The following DNAJC12 variants were observed in gnomAD, a reference collection of about 807,000 sequenced individuals.
DNAJC12 encodes the protein dnaJ homolog subfamily C member 12.
A neutral mutation model predicts 28.5 loss-of-function variants in DNAJC12; 25 were observed. That is an observed-to-expected ratio of 0.88 (90% confidence interval 0.64 to 1.22). The LOEUF (loss-of-function observed/expected upper bound fraction) is 1.22. Among genes scored for constraint, DNAJC12 ranks in the 50% most tolerant of loss-of-function variants. The pLI, the probability that DNAJC12 is intolerant of heterozygous loss-of-function variation, is 0.00. For missense variants in DNAJC12, 222 were observed against 231.7 expected (o/e 0.96, Z 0.27); for synonymous variants, 77 against 80.6 (o/e 0.95, Z 0.24).
chr10:67,822,823 T>C (rs1034152958), intron 2 of DNAJC12, among the ~76,000 whole-genome samples: 2 of 149,274 alleles, frequency 1.3e-5, no homozygotes, highest in African/African-American at 2.5e-5. Flanking sequence ...CCCTGCCTAC[T>C]AAAAAAATAC....
At chr10:67,809,502 A>C (rs1454086659) in intron 3 of DNAJC12, among the ~76,000 whole-genome samples, 1 of 152,194 alleles carries the variant, frequency 6.6e-6, no homozygotes, top group African/African-American at 2.4e-5. Context: ...TTTACCAATT[A>C]AACTAGCAGG....
chr10:67,832,889 C>T (rs756128126), intron 1 of DNAJC12, among the ~76,000 whole-genome samples: 1 of 152,174 alleles, frequency 6.6e-6, no homozygotes, highest in Non-Finnish European at 1.5e-5. Flanking sequence ...TAAAGCACAT[C>T]CATTTCATGC....
chr10:67,829,073 G>A (rs549767285), intron 1 of DNAJC12, among the ~76,000 whole-genome samples: 6 of 152,224 alleles, frequency 3.9e-5, no homozygotes, highest in African/African-American at 1.4e-4. Flanking sequence ...CAGTAAAACA[G>A]TGAGCCTTAC....
chr10:67,825,144 C>T (rs979915896), intron 1 of DNAJC12, among the ~76,000 whole-genome samples: 1 of 152,122 alleles, frequency 6.6e-6, no homozygotes. Flanking sequence ...ATATAAGTAG[C>T]GCACTTAACA....
At chr10:67,817,637 G>A (rs551752698) in intron 2 of DNAJC12, among the ~76,000 whole-genome samples, 15 of 152,116 alleles carry the variant, frequency 9.9e-5, no homozygotes, top group Non-Finnish European at 1.9e-4. Flanking sequence ...AGCACTTTGG[G>A]AGGCCGAGGC....
At chr10:67,831,545 C>T (rs1228820432) in intron 1 of DNAJC12, among the ~76,000 whole-genome samples, 1 of 152,136 alleles carries the variant, frequency 6.6e-6, no homozygotes, top group Non-Finnish European at 1.5e-5. Flanking sequence ...CCTGTCTCTC[C>T]CACAGTGCAT....
Position 67,838,058 on chromosome 10 carries a change from G to T in DNAJC12, c.-47C>A. 1 of 1,303,448 alleles carries T rather than the reference G, an allele frequency of 7.7e-7. No homozygotes were observed. Among genetic ancestry groups the T allele is most frequent in the Non-Finnish European group, 1.1e-6 (1 of 914,186 alleles). 80.7% of individuals were successfully genotyped at this position (1,303,448 alleles called of 1,614,324 possible). The stretch of plus-strand genomic sequence containing the variant: ...TCTTCCCTCGGAAACAAGAGGCACA[G>T]TGAGCTTCGAATTAACAGGAAGAAA... On this transcript the variant is annotated 5_prime_UTR_variant, in exon 1 of 5. It adds an upstream start codon to the 5' untranslated region. Transcript: ENST00000225171.
At chr10:67,830,540 G>A (rs369044684) in intron 1 of DNAJC12, among the ~76,000 whole-genome samples, 1 of 150,520 alleles carries the variant, frequency 6.6e-6, no homozygotes, top group South Asian at 2.1e-4. Context: ...CCCGGGAGGC[G>A]GAGCTTGCAG....
Position 67,811,518 on chromosome 10 carries a change from AC to A in DNAJC12, c.297+5del. The A allele has an allele frequency of 2.5e-6, 4 of 1,613,882 alleles. No homozygotes were observed. The highest frequency in any genetic ancestry group is 3.4e-6 in the Non-Finnish European group (4 of 1,179,986). ...AAATTCACGTCGCACCCAGCGAGAA[AC>A]CCACCGTCTTCACTGAGTCATTCAA... is the stretch of plus-strand genomic sequence containing the variant. On this transcript the variant is annotated splice_donor_5th_base_variant and intron_variant, in intron 3 of 4. Transcript: ENST00000225171.
chr10:67,813,979 A>C (rs1841888700), intron 2 of DNAJC12, among the ~76,000 whole-genome samples: 1 of 151,788 alleles, frequency 6.6e-6, no homozygotes, highest in African/African-American at 2.4e-5. Flanking sequence ...CCTTTTTTGC[A>C]GAAATTGACA....
intron 1 of DNAJC12, among the ~76,000 whole-genome samples, chr10:67,835,747 C>CACACAT (rs111959175): frequency 0.036 from 5,261 of 147,938 alleles, 304 homozygotes; most frequent in African/African-American, 0.12. Context: ...CACACACACA[C>CACACAT]ATATATATAA....
intron 1 of DNAJC12, among the ~76,000 whole-genome samples, chr10:67,827,173 G>C (rs1375020179): frequency 6.6e-6 from 1 of 151,458 alleles, no homozygotes; most frequent in Non-Finnish European, 1.5e-5. Flanking sequence ...GATCACTTGA[G>C]GTCAGGAGTT....
At chr10:67,801,888 G>GTCTTGC (rs1440273515) in intron 4 of DNAJC12, among the ~76,000 whole-genome samples, 14 of 110,588 alleles carry the variant, frequency 1.3e-4, no homozygotes, top group African/African-American at 4.7e-4. Context: ...GAGACACAGG[G>GTCTTGC]TCTTGCTCTA....
chr10:67,800,760 A>G (rs1841734923), intron 4 of DNAJC12, among the ~76,000 whole-genome samples: 1 of 152,150 alleles, frequency 6.6e-6, no homozygotes. Context: ...CCTGGCCAAC[A>G]TGGTGAAACT....
intron 4 of DNAJC12, among the ~76,000 whole-genome samples, chr10:67,803,908 C>T (rs1436896809): frequency 6.6e-6 from 1 of 152,232 alleles, no homozygotes; most frequent in Non-Finnish European, 1.5e-5. Flanking sequence ...GGGTAACCAA[C>T]AGAGACATCT....
chr10:67,800,221 CAAAAAAAAAA>C (rs56039954), intron 4 of DNAJC12, among the ~76,000 whole-genome samples: 3 of 84,646 alleles, frequency 3.5e-5, no homozygotes, highest in Non-Finnish European at 6.6e-5. Flanking sequence ...GACTCTATCT[CAAAAAAAAAA>C]AAAAAAAAAA....
At chr10:67,818,165 C>T (rs1841934634) in intron 2 of DNAJC12, among the ~76,000 whole-genome samples, 1 of 152,102 alleles carries the variant, frequency 6.6e-6, no homozygotes, top group African/African-American at 2.4e-5. Flanking sequence ...AAGATCGCAC[C>T]ACTGCACTCC....
intron 1 of DNAJC12, among the ~76,000 whole-genome samples, chr10:67,824,450 T>G (rs575537882): frequency 6.3e-4 from 96 of 151,916 alleles, no homozygotes; most frequent in Middle Eastern, 3.4e-3. Context: ...AATTTCAAAA[T>G]TAAATGAAAA....
chr10:67,801,765 G>A (rs1337509658), intron 4 of DNAJC12, among the ~76,000 whole-genome samples: 1 of 146,628 alleles, frequency 6.8e-6, no homozygotes, highest in East Asian at 2.1e-4. Flanking sequence ...ACTCCAGCCT[G>A]GGCAACAAGA....
Sources: allele counts gnomAD v4.1 joint callset (sites outside exome capture counted in the v4.1 genomes callset), GRCh38; gene constraint gnomAD v4.1.1; transcripts MANE v1.5; gene names NCBI Gene and HGNC (gene_info 2026-07-23, HGNC 2026-07-21).